Variants in AGMO observed in about 807,000 individuals in gnomAD.
AGMO encodes alkylglycerol monooxygenase, also known as glyceryl-ether monooxygenase.
Under a neutral mutation model 60.2 loss-of-function variants are expected in AGMO, and 75 were observed. The ratio of observed to expected loss-of-function variants is 1.25; its 90% confidence interval spans 1.03 to 1.51. The LOEUF (loss-of-function observed/expected upper bound fraction) is 1.51. Among genes scored for constraint, AGMO ranks in the 40% most tolerant of loss-of-function variants. The pLI is 0.00. For synonymous variants in AGMO, 261 were observed against 177.1 expected, an observed-to-expected ratio of 1.47 and a Z score of -3.76; for missense variants, 763 against 525.5, an observed-to-expected ratio of 1.45 and a Z score of -4.42.
chr7:15,306,492 C>CA, intron 12 of AGMO: 1 of 469,548 alleles, frequency 2.1e-6, no homozygotes, highest in African/African-American at 2.0e-5. Flanking sequence ...AGCTGTGAGA[C>CA]AGTCACTCAA....
chr7:15,326,297 G>A lies in AGMO; in HGVS notation c.1263+39217C>T, dbSNP rs949985654. Among the ~76,000 whole-genome samples the A allele has an allele frequency of 2.0e-5, 3 of 152,142 alleles. No homozygotes were observed. In the South Asian group the frequency reaches 6.2e-4, roughly 31 times the overall value. The stretch of plus-strand genomic sequence containing the variant: ...ATTTGGCTGTATTTGATTACTTACT[G>A]AAAATGACATATAATCAGTTTAACC... On this transcript the variant is annotated intron_variant, in intron 12 of 12. Coordinates refer to ENST00000342526, the MANE Select transcript of AGMO (RefSeq NM_001004320.2).
chr7:15,270,227 C>T (rs1002130776), intron 12 of AGMO, among the ~76,000 whole-genome samples: 10 of 152,038 alleles, frequency 6.6e-5, no homozygotes, highest in African/African-American at 2.4e-4. Context: ...ACATTCCCAC[C>T]ACCTTGTAAA....
chr7:15,516,189 CATA>C (rs1447265994), intron 3 of AGMO, among the ~76,000 whole-genome samples: 11 of 151,662 alleles, frequency 7.3e-5, no homozygotes, highest in African/African-American at 2.7e-4. Flanking sequence ...GGCCAAACAT[CATA>C]ATGTTTTAAA....
chr7:15,152,180 G>A, the AGMO span, among the ~76,000 whole-genome samples: 1 of 151,996 alleles, frequency 6.6e-6, no homozygotes, highest in Non-Finnish European at 1.5e-5. Context: ...TTGGTTTAAA[G>A]TCTGTTTTGT....
chr7:15,549,424 C>G (rs1189140051), intron 2 of AGMO, among the ~76,000 whole-genome samples: 3 of 152,104 alleles, frequency 2.0e-5, no homozygotes, highest in Admixed American at 6.5e-5. Flanking sequence ...GGAAACCCAT[C>G]TCATGTGCAG....
At chr7:15,440,644 G>T (rs1266078204) in intron 3 of AGMO, among the ~76,000 whole-genome samples, 2 of 152,192 alleles carry the variant, frequency 1.3e-5, no homozygotes, top group East Asian at 1.9e-4. Flanking sequence ...GAAAGAAACT[G>T]TGTTAGTTAC....
At chr7:15,349,645 A>C (rs1166612213) in intron 12 of AGMO, among the ~76,000 whole-genome samples, 2 of 152,146 alleles carry the variant, frequency 1.3e-5, no homozygotes, top group Non-Finnish European at 2.9e-5. Flanking sequence ...TATGAAGAAA[A>C]ATACTCAAGA....
intron 3 of AGMO, among the ~76,000 whole-genome samples, chr7:15,524,857 C>A (rs1471881565): frequency 1.2e-5 from 1 of 84,724 alleles, no homozygotes; most frequent in African/African-American, 4.1e-5. Context: ...AGCAAAATTC[C>A]ATCTCAAAAA....
the AGMO span, among the ~76,000 whole-genome samples, chr7:15,123,926 T>A: frequency 6.6e-6 from 1 of 152,100 alleles, no homozygotes; most frequent in Non-Finnish European, 1.5e-5. Flanking sequence ...CTTACTCAGA[T>A]AACTTTTTGT....
At chr7:15,377,231 C>T (rs1783491503) in intron 10 of AGMO, among the ~76,000 whole-genome samples, 1 of 151,986 alleles carries the variant, frequency 6.6e-6, no homozygotes, top group Admixed American at 6.6e-5. Context: ...ATGTTCTCAG[C>T]AAAGAAAAAC....
rs548005554 is a variant in AGMO, at chr7:15,459,449, G to T, written c.410-28341C>A. Among the ~76,000 whole-genome samples, 4 of 152,082 alleles carry T rather than the reference G, an allele frequency of 2.6e-5. No homozygotes were observed. The East Asian group carries it at 7.7e-4, about 29-fold the overall frequency. On this transcript the variant is annotated intron_variant, in intron 3 of 12. Transcript: ENST00000342526. The stretch of plus-strand genomic sequence containing the variant: ...AGGGAGGGAAGAGTGGTTATGTTCC[G>T]AATGCTCTCATTTCCTGCCCTCTCC...
intron 12 of AGMO, among the ~76,000 whole-genome samples, chr7:15,240,404 A>G (rs567648364): frequency 1.3e-5 from 2 of 152,194 alleles, no homozygotes; most frequent in African/African-American, 4.8e-5. Flanking sequence ...ACAAGAATTG[A>G]GAGAAGCTGA....
intron 5 of AGMO, chr7:15,396,685 G>A (rs1411902761): frequency 6.6e-6 from 1 of 150,720 alleles, no homozygotes; most frequent in Non-Finnish European, 1.5e-5. Flanking sequence ...CCACTTTACA[G>A]AGAGCTGATT....
intron 12 of AGMO, among the ~76,000 whole-genome samples, chr7:15,210,435 T>TA (rs1371367202): frequency 6.6e-6 from 1 of 152,178 alleles, no homozygotes; most frequent in Non-Finnish European, 1.5e-5. Context: ...TCCTGGCTTT[T>TA]AAAAAATATG....
chr7:15,471,823 AT>A (rs561313437), intron 3 of AGMO, among the ~76,000 whole-genome samples: 52 of 151,466 alleles, frequency 3.4e-4, no homozygotes, highest in African/African-American at 1.1e-3. Flanking sequence ...TAAAGCCAAG[AT>A]TTTTTTTTAA....
the AGMO span, among the ~76,000 whole-genome samples, chr7:15,148,428 C>G: frequency 6.6e-6 from 1 of 151,890 alleles, no homozygotes; most frequent in Non-Finnish European, 1.5e-5. Flanking sequence ...GATTTCATCA[C>G]CCAGGTAGTG....
the AGMO span, among the ~76,000 whole-genome samples, chr7:15,125,291 G>A: frequency 6.6e-6 from 1 of 152,068 alleles, no homozygotes; most frequent in African/African-American, 2.4e-5. Flanking sequence ...CTGGAATTGT[G>A]ACTTCCTTCT....
In AGMO at chr7:15,323,759, G is replaced by C. The variant is rs370044370; in HGVS notation, c.1263+41755C>G. On this transcript the variant is annotated intron_variant, in intron 12 of 12. Coordinates refer to ENST00000342526, the MANE Select transcript of AGMO (RefSeq NM_001004320.2). ...AGAGCAGCTTTGCAGCTGTTAACAA[G>C]GAAAGCCTCGTGGTATTGTGCTAGA... Among the ~76,000 whole-genome samples the C allele has an allele frequency of 3.4e-3, 515 of 152,284 alleles. 3 individuals carry two copies. Among genetic ancestry groups the C allele is most frequent in the African/African-American group, 0.012 (480 of 41,568 alleles).
At chr7:15,381,884 A>G (rs1033980878) in intron 10 of AGMO, among the ~76,000 whole-genome samples, 2 of 152,156 alleles carry the variant, frequency 1.3e-5, no homozygotes, top group Non-Finnish European at 2.9e-5. Flanking sequence ...ACATGGATGG[A>G]GCTGGAGGCC....
Sources: allele counts gnomAD v4.1 joint callset (sites outside exome capture counted in the v4.1 genomes callset), GRCh38; gene constraint gnomAD v4.1.1; transcripts MANE v1.5; gene names NCBI Gene and HGNC (gene_info 2026-07-23, HGNC 2026-07-21).